The following INPP4B variants were observed in gnomAD, a reference collection of about 807,000 sequenced individuals.
The protein encoded by INPP4B is inositol polyphosphate-4-phosphatase type II B.
A neutral mutation model predicts 122.5 loss-of-function variants in INPP4B; 55 were observed. The ratio of observed to expected loss-of-function variants is 0.45; its 90% CI spans 0.36 to 0.56. The LOEUF is 0.56. Among genes scored for constraint, INPP4B ranks in the 20% least tolerant of loss-of-function variants. The probability of loss-of-function intolerance (pLI) is 0.00; values close to 1 mark genes in which losing one functional copy is unlikely to be tolerated. For missense variants in INPP4B, 1,000 were observed against 1,097.7 expected (o/e 0.91, Z 1.26); for synonymous variants, 403 against 388.7 (o/e 1.04, Z -0.43).
intron 7 of INPP4B, among the ~76,000 whole-genome samples, chr4:142,335,164 G>A (rs1443615085): frequency 2.0e-5 from 3 of 148,514 alleles, no homozygotes; most frequent in Non-Finnish European, 4.4e-5. Context: ...CAAAGCAGCT[G>A]GAGGAGTTAT....
chr4:142,712,003 G>A (rs1421528007), intron 2 of INPP4B, among the ~76,000 whole-genome samples: 1 of 152,142 alleles, frequency 6.6e-6, no homozygotes, highest in Non-Finnish European at 1.5e-5. Context: ...AGCTGAGATT[G>A]TGCCACTGCA....
chr4:142,632,306 G>T (rs1748143353), intron 2 of INPP4B, among the ~76,000 whole-genome samples: 1 of 152,124 alleles, frequency 6.6e-6, no homozygotes, highest in Non-Finnish European at 1.5e-5. Context: ...TGGAACTGGA[G>T]GTCATTATGC....
chr4:142,440,779 T>C (rs1471011473), intron 3 of INPP4B, among the ~76,000 whole-genome samples: 5 of 152,194 alleles, frequency 3.3e-5, no homozygotes, highest in African/African-American at 4.8e-5. Flanking sequence ...CACATGACGT[T>C]ATAAGATACA....
chr4:142,539,110 AT>A (rs2150022951), intron 2 of INPP4B, among the ~76,000 whole-genome samples: 1 of 149,614 alleles, frequency 6.7e-6, no homozygotes, highest in East Asian at 2.0e-4. Flanking sequence ...ACAATTTAGG[AT>A]TTTATTTCCC....
intron 2 of INPP4B, among the ~76,000 whole-genome samples, chr4:142,574,861 G>A (rs532666233): frequency 2.5e-4 from 38 of 152,162 alleles, no homozygotes; most frequent in African/African-American, 7.0e-4. Context: ...GGTAACACTC[G>A]TTGTGACCCA....
chr4:142,145,871 T>G lies in INPP4B; in HGVS notation c.1689A>C (p.Ser563=). Residue 563 remains serine, a synonymous_variant, in exon 18 of 26, where the codon TCA becomes TCC. Transcript: ENST00000262992. ...GGTGAGAGGGAATGGCATCTGTTAA[T>G]GAAGGTTCCTTTTCTCCATCATTGT... ...GGNNDGEKEP[S]LTDAIPSHPR... 2.5e-6 allele frequency: 4 copies of G among 1,613,854 alleles called. No homozygotes were observed. Among genetic ancestry groups the G allele is most frequent in the Non-Finnish European group, 8.5e-7 (1 of 1,179,772 alleles).
chr4:142,373,930 T>C (rs78900390), intron 7 of INPP4B, among the ~76,000 whole-genome samples: 2,563 of 151,854 alleles, frequency 0.017, 68 homozygotes, highest in African/African-American at 0.057. Context: ...AGCAGCAATA[T>C]AAACTGTCGT....
intron 2 of INPP4B, among the ~76,000 whole-genome samples, chr4:142,607,164 A>G (rs905371348): frequency 6.6e-6 from 1 of 152,066 alleles, no homozygotes; most frequent in Admixed American, 6.6e-5. Context: ...TCAACAAAAA[A>G]TAGAAAGACA....
chr4:142,096,133 T>C (rs1380172227), intron 23 of INPP4B: 1 of 152,198 alleles, frequency 6.6e-6, no homozygotes, highest in Non-Finnish European at 1.5e-5. Flanking sequence ...CATGCCATTA[T>C]GTGCAGACTT....
chr4:142,670,142 A>G (rs1186854816), intron 2 of INPP4B, among the ~76,000 whole-genome samples: 1 of 152,182 alleles, frequency 6.6e-6, no homozygotes, highest in Non-Finnish European at 1.5e-5. Context: ...CCTAGTAGCC[A>G]TCTAAGTTAT....
chr4:142,811,748 G>T (rs1561097284), intron 1 of INPP4B, among the ~76,000 whole-genome samples: 1 of 151,978 alleles, frequency 6.6e-6, no homozygotes, highest in East Asian at 1.9e-4. Context: ...TGACCATCTG[G>T]CAATTAATAT....
At chr4:142,762,896 A>G (rs1425198207) in intron 1 of INPP4B, among the ~76,000 whole-genome samples, 1 of 152,144 alleles carries the variant, frequency 6.6e-6, no homozygotes, top group Admixed American at 6.6e-5. Context: ...AAATGGGATT[A>G]ATGATCTTAT....
At chr4:142,423,761 A>G (rs1450170467) in intron 5 of INPP4B, 5 of 427,266 alleles carry the variant, frequency 1.2e-5, no homozygotes, top group Admixed American at 2.9e-5. Flanking sequence ...GCTTCCATAG[A>G]AAAAAAACAG....
At position 142,173,621 on chromosome 4, in the gene INPP4B, T is replaced by A. The variant is rs1826603774; in HGVS notation, c.1359+11A>T. 1.2e-6 allele frequency: 2 copies of A among 1,608,314 alleles called. No individual in the cohort carries two copies. The highest frequency in any genetic ancestry group is 1.7e-6 in the Non-Finnish European group (2 of 1,176,268). ...TCATTTTCCCAACTATAGTGATGAT[T>A]TGGATCTTACTTTTTCTGAAAGCAT... is the stretch of plus-strand genomic sequence containing the variant. On this transcript the variant is annotated intron_variant, in intron 16 of 25. Transcript: ENST00000262992.
At chr4:142,161,266 C>T (rs1466667525) in intron 16 of INPP4B, among the ~76,000 whole-genome samples, 1 of 151,904 alleles carries the variant, frequency 6.6e-6, no homozygotes, top group African/African-American at 2.4e-5. Context: ...CGTACTATAG[C>T]AATGAAGGCT....
At chr4:142,738,197 T>C (rs1767285512) in intron 1 of INPP4B, among the ~76,000 whole-genome samples, 1 of 152,162 alleles carries the variant, frequency 6.6e-6, no homozygotes, top group South Asian at 2.1e-4. Context: ...TAGCAAAGAC[T>C]TGGAACCAAC....
At chr4:142,687,093 G>C (rs1234236306) in intron 2 of INPP4B, among the ~76,000 whole-genome samples, 1 of 151,934 alleles carries the variant, frequency 6.6e-6, no homozygotes, top group Non-Finnish European at 1.5e-5. Flanking sequence ...CAAGATGGGG[G>C]ACTTTTTTAT....
At chr4:142,284,325 A>G (rs1372726834) in intron 9 of INPP4B, among the ~76,000 whole-genome samples, 1 of 152,294 alleles carries the variant, frequency 6.6e-6, no homozygotes, top group East Asian at 1.9e-4. Context: ...GAAAAATGAC[A>G]TAAGTGCTGG....
chr4:142,439,059 T>C (rs990611888), intron 3 of INPP4B, among the ~76,000 whole-genome samples: 3 of 152,130 alleles, frequency 2.0e-5, no homozygotes, highest in African/African-American at 7.2e-5. Context: ...CTGTGAGAAA[T>C]ACAGGTGTCT....
Sources: allele counts gnomAD v4.1 joint callset (sites outside exome capture counted in the v4.1 genomes callset), GRCh38; gene constraint gnomAD v4.1.1; transcripts MANE v1.5; gene names NCBI Gene and HGNC (gene_info 2026-07-23, HGNC 2026-07-21).